PIEZO2: variants seen among roughly 807,000 people sequenced by gnomAD.
PIEZO2 encodes the protein piezo type mechanosensitive ion channel component 2.
In PIEZO2, 172 loss-of-function variants were observed where a neutral mutation model predicts 337.3. The observed-to-expected ratio is 0.51, with a 90% CI of 0.45 to 0.58. The LOEUF is 0.58. PIEZO2 is among the 20% of genes least tolerant of loss of function. PIEZO2 has a pLI of 0.00. For synonymous variants in PIEZO2, 1,251 were observed against 1,228.5 expected, an observed-to-expected ratio of 1.02 and a Z score of -0.38; for missense variants, 3,028 against 3,391.3, an observed-to-expected ratio of 0.89 and a Z score of 2.66.
At chr18:10,752,493 G>A in intron 28 of PIEZO2, 143 bp downstream of exon 28, 1 of 1,075,788 alleles carries the variant, frequency 9.3e-7, no homozygotes, top group Non-Finnish European at 1.3e-6. Flanking sequence ...GAAATAAATG[G>A]TTTTTGAATT....
chr18:10,993,687 C>G lies in PIEZO2; in HGVS notation c.161-14027G>C, dbSNP rs371059192. On this transcript the variant is annotated intron_variant, in intron 2 of 55. Transcript: ENST00000674853. This position sits in a 1 kb window ranked among gnomAD's most constrained non-coding sequence, Gnocchi z 5.0. Reference sequence around the variant, plus strand: ...GACTACAGGCGCCTCTCACAATGCCCGGCTAATTTTTCTGTATTTTTAGTA... The same window carrying G: ...GACTACAGGCGCCTCTCACAATGCCGGGCTAATTTTTCTGTATTTTTAGTA... 9.9e-5 allele frequency among the ~76,000 whole-genome samples: 15 copies of G among 152,190 alleles called. No homozygotes were observed. The highest frequency in any genetic ancestry group is 3.4e-4 in the African/African-American group (14 of 41,530).
intron 5 of PIEZO2, among the ~76,000 whole-genome samples, chr18:10,867,631 G>A (rs2042039562): frequency 6.6e-6 from 1 of 152,028 alleles, no homozygotes; most frequent in East Asian, 1.9e-4. Flanking sequence ...ATCAGAATTT[G>A]GCTTAATAAT....
Position 10,770,224 on chromosome 18 carries a change from A to T in PIEZO2, c.2870T>A (p.Val957Glu). The change falls in exon 21 of 56, where the codon GTG becomes GAG. Residue 957 changes from valine (V) to glutamate (E), a missense_variant. By Grantham distance (121) the Val-to-Glu change is moderately radical. Coordinates refer to ENST00000674853, the MANE Select transcript of PIEZO2 (RefSeq NM_001378183.1). ...KFLEYFHKLQ[V>E]FMWWILELHI... ...CAACTCCAAAATCCACCACATGAAC[A>T]CCTGCAGCTTGTGAAAATACTCCAG... is the stretch of plus-strand genomic sequence containing the variant. The T allele has an allele frequency of 1.3e-6, 2 of 1,537,526 alleles. 1 individual carries two copies. The highest frequency in any genetic ancestry group is 1.7e-6 in the Non-Finnish European group (2 of 1,146,950).
At position 10,837,934 on chromosome 18, in the gene PIEZO2, T is replaced by C. The variant is rs1421194388; in HGVS notation, c.917+17419A>G. On this transcript the variant is annotated intron_variant, in intron 7 of 55. Coordinates refer to ENST00000674853, the MANE Select transcript of PIEZO2 (RefSeq NM_001378183.1). The surrounding 1 kb of genome is among the most constrained non-coding windows in gnomAD (Gnocchi z 4.4). Reference sequence around the variant, plus strand: ...GCCCGGCTAATTTTTGTATTTTTAGTAGAGACGGGGTTTCGTCATGTTGGC... The same window carrying C: ...GCCCGGCTAATTTTTGTATTTTTAGCAGAGACGGGGTTTCGTCATGTTGGC... Among the ~76,000 whole-genome samples the C allele has an allele frequency of 1.3e-5, 2 of 152,132 alleles. No individual in the cohort carries two copies. Among genetic ancestry groups the C allele is most frequent in the African/African-American group, 4.8e-5 (2 of 41,432 alleles).
chr18:11,034,099 C>T (rs116092497), intron 2 of PIEZO2, among the ~76,000 whole-genome samples: 3,058 of 152,168 alleles, frequency 0.02, 105 homozygotes, highest in African/African-American at 0.068. Context: ...CCAAGGGACG[C>T]TAGTGCTCGT....
At chr18:10,725,374 TG>T (rs2036491444) in intron 36 of PIEZO2, 1 of 1,606,170 alleles carries the variant, frequency 6.2e-7, no homozygotes, top group Non-Finnish European at 8.5e-7. Flanking sequence ...GCGGTGATGA[TG>T]GTGGAGAACA....
At chr18:10,752,491 T>A (rs2037686038) in intron 28 of PIEZO2, 145 bp downstream of exon 28, 2 of 1,044,676 alleles carry the variant, frequency 1.9e-6, no homozygotes, top group African/African-American at 1.6e-5. Context: ...GAGAAATAAA[T>A]GGTTTTTGAA....
intron 32 of PIEZO2, among the ~76,000 whole-genome samples, chr18:10,741,960 G>A (rs746847116): frequency 4.7e-4 from 71 of 151,846 alleles, no homozygotes; most frequent in Non-Finnish European, 8.7e-4. Flanking sequence ...GAGACCATCC[G>A]TGCTAACATG....
Position 10,856,558 on chromosome 18 carries a change from G to A in PIEZO2, c.703+443C>T, listed in dbSNP as rs2041710529. ...TGCTGGAAGATTACAATCTAACTTA[G>A]GAAGAAAAATAGTCTATCCTGGAGA... On this transcript the variant is annotated intron_variant, in intron 6 of 55. Transcript: ENST00000674853. The surrounding 1 kb of genome is among the most constrained non-coding windows in gnomAD (Gnocchi z 4.7). Among the ~76,000 whole-genome samples the A allele has an allele frequency of 1.3e-5, 2 of 152,086 alleles. No individual in the cohort carries two copies. Among genetic ancestry groups the A allele is most frequent in the Admixed American group, 6.6e-5 (1 of 15,266 alleles).
At position 11,096,404 on chromosome 18, in the gene PIEZO2, G is replaced by C. The variant is rs2039264713; in HGVS notation, c.65-30182C>G. Among the ~76,000 whole-genome samples, 1 of 152,228 alleles carries C rather than the reference G, an allele frequency of 6.6e-6. No homozygotes were observed. The highest frequency in any genetic ancestry group is 1.5e-5 in the Non-Finnish European group (1 of 68,040). On this transcript the variant is annotated intron_variant, in intron 1 of 55. Coordinates refer to ENST00000674853, the MANE Select transcript of PIEZO2 (RefSeq NM_001378183.1). This position sits in a 1 kb window ranked among gnomAD's most constrained non-coding sequence, Gnocchi z 4.6. ...GCTTACAAAGGTGGACATCAGAGCAGAAATCCAGGAGCCTGGTCCCGGGCT... is the reference window on the plus strand; with the variant it reads ...GCTTACAAAGGTGGACATCAGAGCACAAATCCAGGAGCCTGGTCCCGGGCT...
At chr18:10,808,090 AT>A (rs2040057405) in intron 7 of PIEZO2, among the ~76,000 whole-genome samples, 1 of 151,956 alleles carries the variant, frequency 6.6e-6, no homozygotes, top group African/African-American at 2.4e-5. Flanking sequence ...TGCATCTTTT[AT>A]TTATTTTTTG....
chr18:10,933,912 C>T (rs115436314), intron 3 of PIEZO2, among the ~76,000 whole-genome samples: 3,048 of 152,292 alleles, frequency 0.02, 93 homozygotes, highest in African/African-American at 0.068. Context: ...CCATGTAAGA[C>T]GTGTCTTGCT....
At chr18:10,702,459 T>C (rs1340499277) in intron 42 of PIEZO2, among the ~76,000 whole-genome samples, 1 of 152,208 alleles carries the variant, frequency 6.6e-6, no homozygotes, top group African/African-American at 2.4e-5. Flanking sequence ...TTTTTTGAGG[T>C]GTTGGCATTA....
intron 7 of PIEZO2, among the ~76,000 whole-genome samples, chr18:10,809,009 A>G (rs148048953): frequency 1.4e-3 from 219 of 152,340 alleles, no homozygotes; most frequent in Middle Eastern, 3.4e-3. Flanking sequence ...AGCTGTTGGT[A>G]AAGCGAACTA....
rs1468852600 is a variant in PIEZO2 at position 10,969,786 on chromosome 18, G to A, written c.286+9749C>T. On this transcript the variant is annotated intron_variant, in intron 3 of 55. Transcript: ENST00000674853. This position sits in a 1 kb window ranked among gnomAD's most constrained non-coding sequence, Gnocchi z 4.5. ...CTCCTGGCCAAGAGAGGGCATGGGTGCACTTAGCCGCTCTCCTCAATTGTT... is the reference window on the plus strand; with the variant it reads ...CTCCTGGCCAAGAGAGGGCATGGGTACACTTAGCCGCTCTCCTCAATTGTT... Among the ~76,000 whole-genome samples, 1 of 152,072 alleles carries A rather than the reference G, an allele frequency of 6.6e-6. No homozygotes were observed. Among genetic ancestry groups the A allele is most frequent in the Admixed American group, 6.5e-5 (1 of 15,268 alleles).
At chr18:11,079,875 T>G (rs558578038) in intron 1 of PIEZO2, among the ~76,000 whole-genome samples, 17 of 152,338 alleles carry the variant, frequency 1.1e-4, no homozygotes, top group Middle Eastern at 6.8e-3. Context: ...TGTGCAACAG[T>G]TACAAAGAAT....
chr18:10,919,854 G>GACAC (rs111787556), intron 3 of PIEZO2, among the ~76,000 whole-genome samples: 35,907 of 151,074 alleles, frequency 0.24, 4,416 homozygotes, highest in Non-Finnish European at 0.27. Flanking sequence ...GGAAAGTAGA[G>GACAC]ACACACACAC....
rs896617150 is a variant in PIEZO2, at chr18:11,001,675, C to T, written c.161-22015G>A. Among the ~76,000 whole-genome samples, 2 of 151,828 alleles carry T rather than the reference C, an allele frequency of 1.3e-5. No homozygotes were observed. Among genetic ancestry groups the T allele is most frequent in the African/African-American group, 2.4e-5 (1 of 41,328 alleles). On this transcript the variant is annotated intron_variant, in intron 2 of 55. Coordinates refer to ENST00000674853, the MANE Select transcript of PIEZO2 (RefSeq NM_001378183.1). This position sits in a 1 kb window ranked among gnomAD's most constrained non-coding sequence, Gnocchi z 5.3. ...GGCGGATCATCTGAGGTCGGGAGTT[C>T]GAGACCAACCTGGCTAACATGGTAA...
At chr18:10,944,445 G>GAT (rs1182855515) in intron 3 of PIEZO2, among the ~76,000 whole-genome samples, 8 of 147,624 alleles carry the variant, frequency 5.4e-5, no homozygotes, top group East Asian at 4.0e-4. Context: ...AATGGACACA[G>GAT]ATATATATAT....
Sources: allele counts gnomAD v4.1 joint callset (sites outside exome capture counted in the v4.1 genomes callset), GRCh38; gene constraint gnomAD v4.1.1; non-coding constraint Gnocchi (gnomAD v3.1); transcripts MANE v1.5; gene names NCBI Gene and HGNC (gene_info 2026-07-23, HGNC 2026-07-21).